GPC5: variants seen among roughly 807,000 people sequenced by gnomAD.
GPC5 encodes the protein glypican-5.
In GPC5, 47 loss-of-function variants were observed where a neutral mutation model predicts 53.9. That is an observed-to-expected ratio of 0.87 (90% CI 0.69 to 1.11). The LOEUF is 1.11. Ranked by LOEUF, GPC5 falls within the 50% of genes most tolerant of loss-of-function variation. The pLI is 0.00. For missense variants in GPC5, 748 were observed against 713.1 expected, an observed-to-expected ratio of 1.05 and a Z score of -0.56; for synonymous variants, 286 against 263.3, an observed-to-expected ratio of 1.09 and a Z score of -0.84.
At chr13:92,279,411 T>C (rs972547695) in intron 7 of GPC5, among the ~76,000 whole-genome samples, 1 of 152,094 alleles carries the variant, frequency 6.6e-6, no homozygotes, top group Non-Finnish European at 1.5e-5. Context: ...TTGTTTAATA[T>C]AGAAAATCAT....
chr13:92,218,598 A>C (rs1470699052), intron 7 of GPC5, among the ~76,000 whole-genome samples: 1 of 152,048 alleles, frequency 6.6e-6, no homozygotes, highest in Admixed American at 6.6e-5. Context: ...AATTCCTTTA[A>C]TCTTCTTTAC....
intron 6 of GPC5, among the ~76,000 whole-genome samples, chr13:92,103,495 A>G (rs182632740): frequency 6.6e-6 from 1 of 152,166 alleles, no homozygotes; most frequent in Non-Finnish European, 1.5e-5. Flanking sequence ...TCTCTTCCTG[A>G]AAGATCAATG....
At chr13:91,899,810 G>A (rs370797072) in intron 5 of GPC5, among the ~76,000 whole-genome samples, 2 of 152,112 alleles carry the variant, frequency 1.3e-5, no homozygotes, top group South Asian at 2.1e-4. Flanking sequence ...AGCAAGGGAG[G>A]ATTCCTCCTG....
rs1392159261 is a variant in GPC5 at position 92,832,474 on chromosome 13, A to T, written c.1562-33808A>T. On this transcript the variant is annotated intron_variant, in intron 7 of 7. Coordinates refer to ENST00000377067, the MANE Select transcript of GPC5 (RefSeq NM_004466.6). ...TTCTTTGTATTTCTAATATTTTTTA[A>T]AACTTCTTACTAATCTTTTTAAAAT... Among the ~76,000 whole-genome samples, 3 of 152,214 alleles carry T rather than the reference A, an allele frequency of 2.0e-5. No homozygotes were observed. In the South Asian group the frequency reaches 6.2e-4, roughly 31 times the overall value.
At chr13:91,628,795 G>T (rs1416052744) in intron 2 of GPC5, among the ~76,000 whole-genome samples, 1 of 152,140 alleles carries the variant, frequency 6.6e-6, no homozygotes, top group Non-Finnish European at 1.5e-5. Context: ...ATGTGAATGT[G>T]CATATCAGTT....
intron 2 of GPC5, among the ~76,000 whole-genome samples, chr13:91,461,965 A>G (rs1013781997): frequency 6.6e-6 from 1 of 152,144 alleles, no homozygotes; most frequent in Non-Finnish European, 1.5e-5. Flanking sequence ...TTTGATGAAC[A>G]ATAATAATTG....
In GPC5 at chr13:92,389,265, C is replaced by A. The variant is rs946582690; in HGVS notation, c.1561+244276C>A. The stretch of plus-strand genomic sequence containing the variant: ...TGGAAGGATGATATTTCAAAATTAT[C>A]AGAGAGATAAAGTGATATACATAAG... On this transcript the variant is annotated intron_variant, in intron 7 of 7. Coordinates refer to ENST00000377067, the MANE Select transcript of GPC5 (RefSeq NM_004466.6). 1.6e-4 allele frequency among the ~76,000 whole-genome samples: 24 copies of A among 152,146 alleles called. No homozygotes were observed. In the South Asian group the frequency reaches 2.1e-3, roughly 13 times the overall value.
At chr13:92,630,419 A>G (rs1376919080) in intron 7 of GPC5, among the ~76,000 whole-genome samples, 1 of 152,108 alleles carries the variant, frequency 6.6e-6, no homozygotes, top group Non-Finnish European at 1.5e-5. Flanking sequence ...GCACATTATT[A>G]TTTTTTACTC....
chr13:92,527,245 GAAAGAGAAAGAAA>G (rs1881383391), intron 7 of GPC5, among the ~76,000 whole-genome samples: 2 of 36,018 alleles, frequency 5.6e-5, no homozygotes, highest in South Asian at 2.4e-3. Flanking sequence ...AAGAAAGAAA[GAAAGAGAAAGAAA>G]GAAAGAAAGA....
At chr13:92,769,975 T>A (rs1282970351) in intron 7 of GPC5, among the ~76,000 whole-genome samples, 3 of 152,206 alleles carry the variant, frequency 2.0e-5, no homozygotes, top group African/African-American at 7.2e-5. Flanking sequence ...ACATATAACC[T>A]CCACTAAAAT....
chr13:92,015,180 CA>C (rs1411701216), intron 6 of GPC5, among the ~76,000 whole-genome samples: 1 of 151,964 alleles, frequency 6.6e-6, no homozygotes, highest in Non-Finnish European at 1.5e-5. Flanking sequence ...CAGTAGAGGC[CA>C]AGGATATGTT....
chr13:91,856,869 A>G (rs373336546), intron 5 of GPC5, among the ~76,000 whole-genome samples: 2 of 151,294 alleles, frequency 1.3e-5, no homozygotes, highest in Non-Finnish European at 3.0e-5. Context: ...CCTACGCTTT[A>G]TATCAGAATC....
At chr13:91,429,138 T>A (rs1353042269) in intron 1 of GPC5, among the ~76,000 whole-genome samples, 1 of 152,220 alleles carries the variant, frequency 6.6e-6, no homozygotes, top group Admixed American at 6.5e-5. Context: ...CAGGCTGGTC[T>A]CAAACTTCTG....
chr13:92,237,031 A>C (rs2042575643), intron 7 of GPC5, among the ~76,000 whole-genome samples: 1 of 152,142 alleles, frequency 6.6e-6, no homozygotes, highest in African/African-American at 2.4e-5. Context: ...TGCATATCAC[A>C]ATATTAATGA....
rs115554100 is a variant in GPC5 at position 91,703,973 on chromosome 13, A to G, written c.1020+10092A>G. The stretch of plus-strand genomic sequence containing the variant: ...TATTCTCTTATGATCCTTTGTACAG[A>G]ATTATCTGTATATTTCTTTAAGGTC... On this transcript the variant is annotated intron_variant, in intron 3 of 7. Coordinates refer to ENST00000377067, the MANE Select transcript of GPC5 (RefSeq NM_004466.6). 6.9e-3 allele frequency among the ~76,000 whole-genome samples: 1,045 copies of G among 152,164 alleles called. 14 individuals are homozygous for G. Among genetic ancestry groups the G allele is most frequent in the African/African-American group, 0.024 (1,013 of 41,490 alleles).
At chr13:92,607,828 G>T (rs1431756145) in intron 7 of GPC5, among the ~76,000 whole-genome samples, 1 of 152,036 alleles carries the variant, frequency 6.6e-6, no homozygotes, top group Non-Finnish European at 1.5e-5. Flanking sequence ...GTTGACCCTT[G>T]AACAACATGG....
chr13:91,603,675 G>T (rs1336595608), intron 2 of GPC5, among the ~76,000 whole-genome samples: 1 of 152,052 alleles, frequency 6.6e-6, no homozygotes, highest in African/African-American at 2.4e-5. Context: ...GAAGGGATTT[G>T]TTCTCTTTTT....
intron 3 of GPC5, among the ~76,000 whole-genome samples, chr13:91,707,301 C>T (rs1001702061): frequency 1.4e-5 from 2 of 144,160 alleles, no homozygotes; most frequent in East Asian, 1.9e-4. Flanking sequence ...TGAGATGCCG[C>T]TTCACACTGA....
intron 4 of GPC5, among the ~76,000 whole-genome samples, chr13:91,739,822 G>A (rs1385772592): frequency 6.6e-6 from 1 of 151,406 alleles, no homozygotes; most frequent in Non-Finnish European, 1.5e-5. Flanking sequence ...TTGTAGAAGG[G>A]GACTATGCAA....
Sources: gnomAD v4.1 joint callset for allele counts (sites outside exome capture counted in the v4.1 genomes callset) on GRCh38, gnomAD v4.1.1 for gene constraint, MANE v1.5 for transcripts, NCBI Gene and HGNC (gene_info 2026-07-23, HGNC 2026-07-21) for gene names.